The following ARHGAP39 variants were observed in gnomAD, a reference collection of about 807,000 sequenced individuals.
The protein encoded by ARHGAP39 is rho GTPase-activating protein 39.
ARHGAP39 carries 44 observed loss-of-function variants against 106.9 expected under a neutral mutation model. The ratio of observed to expected loss-of-function variants is 0.41; its 90% CI spans 0.32 to 0.53. ARHGAP39 has a LOEUF of 0.53. ARHGAP39 is among the 20% of genes least tolerant of loss of function. The pLI is 0.21. For missense variants in ARHGAP39, 1,496 were observed against 1,577.3 expected (o/e 0.95, Z 0.87); for synonymous variants, 768 against 693.2 (o/e 1.11, Z -1.69).
chr8:144,570,714 A>G (rs894192888), intron 3 of ARHGAP39, among the ~76,000 whole-genome samples: 28 of 152,348 alleles, frequency 1.8e-4, no homozygotes, highest in African/African-American at 6.7e-4. Context: ...GAAAAGATCA[A>G]CAAAATTGGT....
rs1816767263 is a variant in ARHGAP39, at chr8:144,532,465, C to T, written c.2889-69G>A. The T allele has an allele frequency of 2.1e-6, 3 of 1,407,224 alleles. No individual in the cohort carries two copies. The East Asian group carries it at 7.2e-5, about 34-fold the overall frequency. The allele number at this position is 1,407,224 out of a possible 1,614,324, so 87.2% of individuals were successfully genotyped here. A position where few individuals can be genotyped will look rare whatever the true frequency, so the allele number is the denominator to read the frequency against. ...GCGGCTTCATGATTCCGCCTGGACA[C>T]TCCCTCCGGTAGGCCCCTGCTGACC... On this transcript the variant is annotated intron_variant, in intron 9 of 11. Coordinates refer to ENST00000377307, the MANE Select transcript of ARHGAP39 (RefSeq NM_025251.3).
chr8:144,580,786 A>G (rs1259250728), intron 3 of ARHGAP39, 60 bp downstream of exon 3: 39 of 87,516 alleles, frequency 4.5e-4, no homozygotes, highest in Non-Finnish European at 6.0e-4. Context: ...TACCTGCCTC[A>G]CCTGGCCCCG....
At chr8:144,624,204 C>A (rs1237527784) in intron 1 of ARHGAP39, among the ~76,000 whole-genome samples, 2 of 152,192 alleles carry the variant, frequency 1.3e-5, no homozygotes, top group Non-Finnish European at 2.9e-5. Flanking sequence ...CATGTTAGCC[C>A]CAGTGACTTG....
At chr8:144,598,990 G>A (rs896901291) in intron 2 of ARHGAP39, among the ~76,000 whole-genome samples, 12 of 152,154 alleles carry the variant, frequency 7.9e-5, no homozygotes, top group African/African-American at 1.9e-4. Context: ...TACACGGAGG[G>A]TAACTACTTC....
chr8:144,561,145 CGGTTTCCATCACACCCCAGT>C (rs1564848136), intron 3 of ARHGAP39, among the ~76,000 whole-genome samples: 1 of 151,976 alleles, frequency 6.6e-6, no homozygotes, highest in Non-Finnish European at 1.5e-5. Context: ...TGCACCCCAG[CGGTTTCCATCACACCCCAGT>C]GGTTTCCATC....
intron 1 of ARHGAP39, among the ~76,000 whole-genome samples, chr8:144,639,671 A>T (rs1467940435): frequency 6.6e-6 from 1 of 151,998 alleles, no homozygotes; most frequent in Non-Finnish European, 1.5e-5. Flanking sequence ...GAAAAAAAAA[A>T]TCCTCAAGTT....
chr8:144,533,267 G>C lies in ARHGAP39; in HGVS notation c.2747C>G (p.Pro916Arg). 2 of 1,613,156 alleles carry C rather than the reference G, an allele frequency of 1.2e-6. No individual in the cohort carries two copies. The highest frequency in any genetic ancestry group is 1.7e-6 in the Non-Finnish European group (2 of 1,179,970). Residue 916 changes from proline (P) to arginine (R), a missense_variant, in exon 9 of 12, where the codon CCG becomes CGG. By Grantham distance (103) the Pro-to-Arg change is moderately radical. Coordinates refer to ENST00000377307, the MANE Select transcript of ARHGAP39 (RefSeq NM_025251.3). ...IRHAKNAVFSPSMFGSALQEV... is the reference protein window; with the variant it reads ...IRHAKNAVFSRSMFGSALQEV... ...CTGCAGTGCGCTGCCGAACATGGAC[G>C]GGCTGAACACGGCGTTCTTGGCATG...
At chr8:144,587,942 C>T (rs1044910869) in intron 2 of ARHGAP39, among the ~76,000 whole-genome samples, 1 of 152,194 alleles carries the variant, frequency 6.6e-6, no homozygotes, top group African/African-American at 2.4e-5. Flanking sequence ...CGCGCCCGGC[C>T]AGAAGAAACA....
At chr8:144,545,844 G>T in intron 5 of ARHGAP39, 34 bp from the exon 6 acceptor site, 4 of 1,422,954 alleles carry the variant, frequency 2.8e-6, no homozygotes, top group Non-Finnish European at 2.8e-6. Flanking sequence ...GCTGTTGGGG[G>T]TGGGGGAGGG....
intron 6 of ARHGAP39, among the ~76,000 whole-genome samples, chr8:144,542,263 C>T (rs747844891): frequency 6.6e-6 from 1 of 152,202 alleles, no homozygotes; most frequent in Non-Finnish European, 1.5e-5. Context: ...AGCCAGGAGA[C>T]CCCCTGCTGG....
intron 1 of ARHGAP39, among the ~76,000 whole-genome samples, chr8:144,638,984 T>G (rs1821242226): frequency 6.6e-6 from 1 of 152,116 alleles, no homozygotes; most frequent in African/African-American, 2.4e-5. Flanking sequence ...TGCATTTGTT[T>G]TCACTCTGCC....
chr8:144,698,808 C>G, the ARHGAP39 span: 1 of 455,552 alleles, frequency 2.2e-6, no homozygotes, highest in South Asian at 1.6e-5. Flanking sequence ...GCTTGGGTAT[C>G]AGTGGGGAGT....
At chr8:144,667,882 G>T (rs1822003770) in intron 1 of ARHGAP39, among the ~76,000 whole-genome samples, 1 of 152,218 alleles carries the variant, frequency 6.6e-6, no homozygotes, top group Non-Finnish European at 1.5e-5. Flanking sequence ...CAACAGCAAT[G>T]AAAATGGGCA....
intron 2 of ARHGAP39, among the ~76,000 whole-genome samples, chr8:144,587,080 G>T (rs1187866441): frequency 6.6e-6 from 1 of 152,206 alleles, no homozygotes; most frequent in Non-Finnish European, 1.5e-5. Context: ...TCTGTCTCCT[G>T]CCACCATGTG....
At chr8:144,552,618 C>T (rs1403592361) in intron 4 of ARHGAP39, among the ~76,000 whole-genome samples, 1 of 152,144 alleles carries the variant, frequency 6.6e-6, no homozygotes, top group Admixed American at 6.5e-5. Flanking sequence ...CACTGCTATC[C>T]CTGCTGTTCT....
At chr8:144,583,919 G>A (rs1819092533) in intron 2 of ARHGAP39, 1 of 152,338 alleles carries the variant, frequency 6.6e-6, no homozygotes, top group Admixed American at 6.5e-5. Flanking sequence ...ATGTTTCCCT[G>A]AAGCATCTGC....
At chr8:144,610,120 T>C (rs1355388996) in intron 1 of ARHGAP39, among the ~76,000 whole-genome samples, 1 of 152,250 alleles carries the variant, frequency 6.6e-6, no homozygotes, top group African/African-American at 2.4e-5. Context: ...TAAGTTATTA[T>C]ACCATACTAT....
At position 144,618,184 on chromosome 8, in the gene ARHGAP39, G is replaced by A. The variant is rs1332396427; in HGVS notation, c.-81-12489C>T. 4.6e-5 allele frequency among the ~76,000 whole-genome samples: 7 copies of A among 152,232 alleles called. No homozygotes were observed. The South Asian group carries it at 6.2e-4, about 14-fold the overall frequency. On this transcript the variant is annotated intron_variant, in intron 1 of 11. Transcript: ENST00000377307. ...AGCTCCACCCTTTCAAGAACCCCTC[G>A]CCTGCCTGCATGGCAAAGCCCACCC...
intron 3 of ARHGAP39, among the ~76,000 whole-genome samples, chr8:144,557,777 A>C (rs1484426708): frequency 6.6e-6 from 1 of 152,236 alleles, no homozygotes; most frequent in East Asian, 1.9e-4. Context: ...GAACCTTCGT[A>C]GTATTCAGTG....
Sources: gnomAD v4.1 joint callset for allele counts (sites outside exome capture counted in the v4.1 genomes callset) on GRCh38, gnomAD v4.1.1 for gene constraint, MANE v1.5 for transcripts, NCBI Gene and HGNC (gene_info 2026-07-23, HGNC 2026-07-21) for gene names.